LAMP2: variants seen among roughly 807,000 people sequenced by gnomAD.
The protein encoded by LAMP2 is lysosome-associated membrane glycoprotein 2.
LAMP2 carries 4 observed loss-of-function variants against 25.6 expected under a neutral mutation model. That is an observed-to-expected ratio of 0.16 (90% CI 0.08 to 0.36). LAMP2 has a LOEUF of 0.36. Among genes scored for constraint, LAMP2 ranks in the 10% least tolerant of loss-of-function variants. LAMP2 has a pLI of 1.00. For missense variants in LAMP2, 272 were observed against 301.4 expected (o/e 0.90, Z 0.72); for synonymous variants, 108 against 112.7 (o/e 0.96, Z 0.27).
intron 8 of LAMP2, among the ~76,000 whole-genome samples, chrX:120,440,057 A>C (rs2058565094): frequency 8.9e-6 from 1 of 112,087 alleles, no homozygotes; most frequent in Admixed American, 9.5e-5. Context: ...CAGTGTCCAT[A>C]AATAAGGTTT....
chrX:120,436,391 G>C, intron 8 of LAMP2: 1 of 466,828 alleles, frequency 2.1e-6, no homozygotes, highest in South Asian at 1.1e-4. Flanking sequence ...AAATAATTCA[G>C]TTCTACTTCT....
chrX:120,436,528 A>G (rs2058545505), intron 8 of LAMP2: 2 of 729,520 alleles, frequency 2.7e-6, no homozygotes, highest in Non-Finnish European at 3.2e-6. Context: ...TTATTGTTTT[A>G]GAAGCAATTT....
Position 120,437,918 on chromosome X carries a change from C to T in LAMP2, c.1093+3812G>A, listed in dbSNP as rs756145778. 386 of 455,346 alleles carry T rather than the reference C, an allele frequency of 8.5e-4. 3 individuals carry two copies. The highest frequency in any genetic ancestry group is 5.4e-3 in the Middle Eastern group (4 of 742). 37.5% of individuals were successfully genotyped at this position (455,346 alleles called of 1,213,427 possible). A position where few individuals can be genotyped will look rare whatever the true frequency, so the allele number is the denominator to read the frequency against. ...TCGCCCAGGCTGGAGTGCAATGGTG[C>T]GCTCTTGGCTCACCGCAACCTCTGC... On this transcript the variant is annotated intron_variant, in intron 8 of 8. Transcript: ENST00000200639.
chrX:120,448,946 T>A, intron 4 of LAMP2, 24 bp downstream of exon 4: 1 of 1,188,950 alleles, frequency 8.4e-7, no homozygotes, highest in Admixed American at 2.2e-5. Context: ...AGGATCCAAG[T>A]AGAGAAATAT....
intron 8 of LAMP2, chrX:120,437,286 T>G (rs1341699758): frequency 1.4e-6 from 1 of 721,586 alleles, no homozygotes; most frequent in East Asian, 1.7e-4. Flanking sequence ...AGCATGCAAC[T>G]GCCTATATAT....
chrX:120,458,579 C>G (rs1386078612), intron 1 of LAMP2, among the ~76,000 whole-genome samples: 1 of 111,490 alleles, frequency 9.0e-6, no homozygotes, highest in East Asian at 2.8e-4. Context: ...GAGTGCAATT[C>G]TTTCCACTTC....
Position 120,429,518 on chromosome X carries a change from T to C in LAMP2, c.*1805A>G. On this transcript the variant is annotated 3_prime_UTR_variant, in exon 9 of 9. Transcript: ENST00000200639. ...TTCATTCTCTTCTCTTTTCCTCTTA[T>C]GCTCATGATCCCATCTGAGGAGGAT... 1 of 747,693 alleles carries C rather than the reference T, an allele frequency of 1.3e-6. No homozygotes were observed. Among genetic ancestry groups the C allele is most frequent in the South Asian group, 6.8e-5 (1 of 14,683 alleles). 61.6% of individuals were successfully genotyped at this position (747,693 alleles called of 1,213,427 possible).
At chrX:120,438,831 T>C (rs2058558679) in intron 8 of LAMP2, 2 of 847,109 alleles carry the variant, frequency 2.4e-6, no homozygotes, top group South Asian at 8.3e-5. Context: ...AAATTGTTTT[T>C]TCTAAACGGT....
chrX:120,427,406 G>A lies in LAMP2; in HGVS notation c.*3917C>T, dbSNP rs2058502911. ...CTCCAGTACCTTACTCCAGAAGCCG[G>A]AGCCATTAGCAGTCCCTACAGGGAT... On this transcript the variant is annotated 3_prime_UTR_variant, in exon 9 of 9. Transcript: ENST00000200639. Among the ~76,000 whole-genome samples, 1 of 110,835 alleles carries A rather than the reference G, an allele frequency of 9.0e-6. No individual in the cohort carries two copies. The highest frequency in any genetic ancestry group is 9.7e-5 in the Admixed American group (1 of 10,327).
chrX:120,464,368 T>C (rs1242380255), intron 1 of LAMP2, among the ~76,000 whole-genome samples: 2 of 111,365 alleles, frequency 1.8e-5, no homozygotes, highest in Non-Finnish European at 3.8e-5. Context: ...CACCAATGAA[T>C]ATCTTCAACA....
chrX:120,429,983 C>T lies in LAMP2; in HGVS notation c.*1340G>A. 1 of 754,011 alleles carries T rather than the reference C, an allele frequency of 1.3e-6. No individual in the cohort carries two copies. 62.1% of individuals were successfully genotyped at this position (754,011 alleles called of 1,213,427 possible). ...AAAAATGTTGCTACGGTTCTGAGTACACAACACTCATCTCAGTAACCACAC... is the reference window on the plus strand; with the variant it reads ...AAAAATGTTGCTACGGTTCTGAGTATACAACACTCATCTCAGTAACCACAC... On this transcript the variant is annotated 3_prime_UTR_variant, in exon 9 of 9. Coordinates refer to ENST00000200639, the MANE Select transcript of LAMP2 (RefSeq NM_002294.3).
chrX:120,448,141 G>T (rs1024154828), intron 4 of LAMP2, 116 bp from the exon 5 acceptor site: 2 of 607,684 alleles, frequency 3.3e-6, no homozygotes, highest in Non-Finnish European at 5.5e-6. Context: ...TATATTAGGG[G>T]AAGAGAATAT....
intron 8 of LAMP2, chrX:120,437,572 A>T (rs1160469380): frequency 1.3e-6 from 1 of 751,208 alleles, no homozygotes; most frequent in Admixed American, 8.9e-5. Flanking sequence ...AAGCTGATGT[A>T]TTTTGCTTTC....
chrX:120,455,199 C>G (rs1331872763), intron 3 of LAMP2, among the ~76,000 whole-genome samples, 158 bp downstream of exon 3: 1 of 107,661 alleles, frequency 9.3e-6, no homozygotes, highest in Non-Finnish European at 1.9e-5. Flanking sequence ...TGGATGGTGT[C>G]ATATGTGCCA....
chrX:120,456,036 AT>A (rs66809896), intron 2 of LAMP2, among the ~76,000 whole-genome samples: 33,599 of 89,286 alleles, frequency 0.38, 5,421 homozygotes, highest in Middle Eastern at 0.49. Flanking sequence ...TAAGTAAGCG[AT>A]TTTTTTTTTT....
At chrX:120,452,563 T>G (rs1041130602) in intron 3 of LAMP2, among the ~76,000 whole-genome samples, 4 of 94,356 alleles carry the variant, frequency 4.2e-5, no homozygotes, top group African/African-American at 1.8e-4. Flanking sequence ...TTCTTTTTTT[T>G]TTGAGACAGG....
At chrX:120,447,447 G>A (rs1367452003) in intron 5 of LAMP2, among the ~76,000 whole-genome samples, 1 of 109,806 alleles carries the variant, frequency 9.1e-6, no homozygotes, top group African/African-American at 3.3e-5. Flanking sequence ...GGTGGCTCAC[G>A]CCTGTAATCC....
Position 120,433,206 on chromosome X carries a change from T to G in LAMP2, c.1094-1744A>C, listed in dbSNP as rs965561334. Among the ~76,000 whole-genome samples, 5 of 111,479 alleles carry G rather than the reference T, an allele frequency of 4.5e-5. No individual in the cohort carries two copies. The South Asian group carries it at 1.9e-3, about 42-fold the overall frequency. On this transcript the variant is annotated intron_variant, in intron 8 of 8. Transcript: ENST00000200639. Reference sequence around the variant, plus strand: ...TAATAGTAGAAAGCTTTGAAACATGTCCATTGCCTCTAGCAATATGAAGGG... The same window carrying G: ...TAATAGTAGAAAGCTTTGAAACATGGCCATTGCCTCTAGCAATATGAAGGG...
At chrX:120,468,435 G>A (rs1362143367) in intron 1 of LAMP2, among the ~76,000 whole-genome samples, 1 of 110,594 alleles carries the variant, frequency 9.0e-6, no homozygotes, top group African/African-American at 3.3e-5. Flanking sequence ...CCTGGAAATT[G>A]CCCCAGCTAC....
Sources: allele counts gnomAD v4.1 joint callset (sites outside exome capture counted in the v4.1 genomes callset), GRCh38; gene constraint gnomAD v4.1.1; transcripts MANE v1.5; gene names NCBI Gene and HGNC (gene_info 2026-07-23, HGNC 2026-07-21).